The following VPS13C variants were observed in gnomAD, a reference collection of about 807,000 sequenced individuals.
VPS13C encodes intermembrane lipid transfer protein VPS13C.
VPS13C carries 358 observed loss-of-function variants against 456.8 expected under a neutral mutation model. The ratio of observed to expected loss-of-function variants is 0.78; its 90% CI spans 0.72 to 0.86. VPS13C has a LOEUF of 0.86. Among genes scored for constraint, VPS13C ranks in the 40% least tolerant of loss-of-function variants. VPS13C has a pLI of 0.00. For missense variants in VPS13C, 4,818 were observed against 4,385.4 expected, an observed-to-expected ratio of 1.10 and a Z score of -2.79; for synonymous variants, 1,578 against 1,486.7, an observed-to-expected ratio of 1.06 and a Z score of -1.41.
In VPS13C at chr15:62,037,217, TATATA is replaced by T. The variant is rs1393165056; in HGVS notation, c.188-2170_188-2166del. On this transcript the variant is annotated intron_variant, in intron 3 of 84. Coordinates refer to ENST00000644861, the MANE Select transcript of VPS13C (RefSeq NM_020821.3). ...TAATAAATATAATATATAAATATATTATATAATATATTATATATAAATATATATAA... is the reference window on the plus strand; with the variant it reads ...TAATAAATATAATATATAAATATATTATATATTATATATAAATATATATAA... 4.9e-3 allele frequency among the ~76,000 whole-genome samples: 478 copies of T among 96,922 alleles called. 8 individuals carry two copies. The highest frequency in any genetic ancestry group is 5.8e-3 in the Non-Finnish European group (304 of 52,702). The allele number at this position is 96,922 out of a possible 152,430, so 63.6% of individuals were successfully genotyped here.
chr15:61,896,117 G>A (rs962676040), intron 66 of VPS13C, among the ~76,000 whole-genome samples: 5 of 152,210 alleles, frequency 3.3e-5, no homozygotes, highest in African/African-American at 1.2e-4. Context: ...TAAAGCCTGA[G>A]CAGACCAGTA....
At chr15:61,909,936 T>C (rs1413505129) in intron 64 of VPS13C, among the ~76,000 whole-genome samples, 6 of 125,356 alleles carry the variant, frequency 4.8e-5, no homozygotes, top group Admixed American at 2.1e-4. Context: ...ATGAGAACAC[T>C]TGGACACAGG....
intron 37 of VPS13C, among the ~76,000 whole-genome samples, chr15:61,954,837 C>T (rs913974256): frequency 1.2e-4 from 19 of 152,058 alleles, no homozygotes; most frequent in Admixed American, 1.1e-3. Context: ...CACTGTTATA[C>T]AGAAGTCAAG....
At chr15:62,043,156 TA>T (rs1596525753) in intron 2 of VPS13C, among the ~76,000 whole-genome samples, 1 of 152,040 alleles carries the variant, frequency 6.6e-6, no homozygotes, top group Admixed American at 6.5e-5. Flanking sequence ...GCTTCCTATA[TA>T]AAAAAGAGAA....
At chr15:61,877,619 A>G (rs1404933720) in intron 74 of VPS13C, among the ~76,000 whole-genome samples, 1 of 151,764 alleles carries the variant, frequency 6.6e-6, no homozygotes, top group Non-Finnish European at 1.5e-5. Context: ...AGAATTTCCA[A>G]AAAGAGAACT....
chr15:61,973,180 A>T (rs1166150787), intron 26 of VPS13C, among the ~76,000 whole-genome samples: 1 of 152,168 alleles, frequency 6.6e-6, no homozygotes, highest in Non-Finnish European at 1.5e-5. Context: ...AGAAAAGCTC[A>T]TGTAGAGATT....
chr15:61,880,647 G>A lies in VPS13C; in HGVS notation c.9964C>T (p.Leu3322Phe). Residue 3322 changes from leucine (L) to phenylalanine (F), a missense_variant, in exon 73 of 85, where the codon CTT (leucine) becomes TTT (phenylalanine). Leu to Phe is a conservative substitution (Grantham distance 22). Around this residue, in one of 3 missense-constraint regions of VPS13C, gnomAD observed 4,552 missense variants for 4,130.6 expected, o/e 1.10. Coordinates refer to ENST00000644861, the MANE Select transcript of VPS13C (RefSeq NM_020821.3). Reference sequence around the variant, plus strand: ...ATATGGAAATGTTCAAAGAAACTAAGAATTGACATATCAGTCATTGAAGTC... The same window carrying A: ...ATATGGAAATGTTCAAAGAAACTAAAAATTGACATATCAGTCATTGAAGTC... ...METSMTDMSI[L>F]SFFEHFHISP... 5 of 1,595,906 alleles carry A rather than the reference G, an allele frequency of 3.1e-6. No homozygotes were observed. Among genetic ancestry groups the A allele is most frequent in the Non-Finnish European group, 4.3e-6 (5 of 1,172,386 alleles).
intron 22 of VPS13C, 33 bp from the exon 23 acceptor site, chr15:61,978,782 C>A: frequency 1.3e-6 from 2 of 1,559,384 alleles, no homozygotes; most frequent in South Asian, 1.2e-5. Context: ...ATTTTTTTTT[C>A]CAAAACAGAA....
intron 27 of VPS13C, among the ~76,000 whole-genome samples, chr15:61,970,566 C>T (rs958322063): frequency 2.3e-4 from 35 of 152,196 alleles, no homozygotes; most frequent in African/African-American, 6.7e-4. Context: ...GAGGCCAAGG[C>T]AGGCGGATCA....
At chr15:61,883,237 A>G (rs1896010573) in intron 68 of VPS13C, among the ~76,000 whole-genome samples, 1 of 146,048 alleles carries the variant, frequency 6.8e-6, no homozygotes, top group South Asian at 2.2e-4. Context: ...AGGTCTCACT[A>G]TGTTGTCCAG....
intron 9 of VPS13C, among the ~76,000 whole-genome samples, chr15:62,020,164 C>T (rs980791191): frequency 6.6e-5 from 10 of 151,586 alleles, no homozygotes; most frequent in East Asian, 5.8e-4. Flanking sequence ...CTACCTATAC[C>T]GAAGATGAGT....
chr15:61,927,587 CT>C (rs1417965630), intron 51 of VPS13C, among the ~76,000 whole-genome samples: 1 of 152,212 alleles, frequency 6.6e-6, no homozygotes, highest in Non-Finnish European at 1.5e-5. Context: ...CACTTTTACA[CT>C]GTTGGCGGGA....
At chr15:62,043,567 C>T (rs533973012) in intron 2 of VPS13C, among the ~76,000 whole-genome samples, 3 of 152,284 alleles carry the variant, frequency 2.0e-5, no homozygotes, top group Middle Eastern at 3.4e-3. Flanking sequence ...GATCATGCCA[C>T]TGCACTCCAG....
intron 9 of VPS13C, among the ~76,000 whole-genome samples, chr15:62,017,371 C>T (rs1298571481): frequency 6.6e-6 from 1 of 152,054 alleles, no homozygotes; most frequent in Admixed American, 6.5e-5. Flanking sequence ...ATGCCTATGT[C>T]CTGAATGGTA....
At chr15:61,888,611 A>G (rs964674735) in intron 67 of VPS13C, among the ~76,000 whole-genome samples, 1 of 152,182 alleles carries the variant, frequency 6.6e-6, no homozygotes, top group Non-Finnish European at 1.5e-5. Flanking sequence ...AATAGGTTAC[A>G]TACTGCTTGA....
rs748455704 is a variant in VPS13C, at chr15:61,920,118, T to C, written c.7426A>G (p.Asn2476Asp). 3.6e-5 allele frequency: 58 copies of C among 1,613,222 alleles called. No homozygotes were observed. The highest frequency in any genetic ancestry group is 4.7e-5 in the Non-Finnish European group (55 of 1,179,508). ...TCTTGACGGCTCAATATAGATAGGT[T>C]CCCTTGACTTGAAGGTACCATGCTG... is the stretch of plus-strand genomic sequence containing the variant. ...YASMVPSSQG[N>D]LSILSRQESS... Residue 2476 changes from asparagine (N) to aspartate (D), a missense_variant, in exon 57 of 85, where the codon AAC becomes GAC. Asn to Asp is a conservative substitution (Grantham distance 23). Transcript: ENST00000644861.
intron 5 of VPS13C, among the ~76,000 whole-genome samples, chr15:62,030,613 A>C (rs935414267): frequency 1.3e-5 from 2 of 152,130 alleles, no homozygotes; most frequent in Non-Finnish European, 2.9e-5. Context: ...TGCGCAGTGA[A>C]CAATAATCAC....
At chr15:61,886,348 A>G (rs891288996) in intron 67 of VPS13C, among the ~76,000 whole-genome samples, 4 of 152,142 alleles carry the variant, frequency 2.6e-5, no homozygotes, top group Non-Finnish European at 4.4e-5. Context: ...CATATATTGC[A>G]TTACTTCAGC....
At chr15:61,990,893 T>G in intron 18 of VPS13C, 107 bp downstream of exon 18, 1 of 709,274 alleles carries the variant, frequency 1.4e-6, no homozygotes, top group Non-Finnish European at 2.4e-6. Context: ...AGTAGCAGAG[T>G]GGAATTAATA....
Sources: allele counts gnomAD v4.1 joint callset (sites outside exome capture counted in the v4.1 genomes callset), GRCh38; gene constraint gnomAD v4.1.1; regional missense constraint gnomAD v4.1.1; transcripts MANE v1.5; gene names NCBI Gene and HGNC (gene_info 2026-07-23, HGNC 2026-07-21).